The following EFCAB11 variants were observed in gnomAD, a reference collection of about 807,000 sequenced individuals.
EFCAB11 encodes the protein EF-hand calcium binding domain 11.
A neutral mutation model predicts 23.0 loss-of-function variants in EFCAB11; 14 were observed. The observed-to-expected ratio is 0.61, with a 90% CI of 0.40 to 0.95. EFCAB11 has a LOEUF of 0.95. EFCAB11 is among the 40% of genes least tolerant of loss of function. EFCAB11 has a pLI of 0.00. For missense variants in EFCAB11, 198 were observed against 195.8 expected, an observed-to-expected ratio of 1.01 and a Z score of -0.07; for synonymous variants, 65 against 66.6, an observed-to-expected ratio of 0.98 and a Z score of 0.11.
At position 89,954,701 on chromosome 14, in the gene EFCAB11, C is replaced by A. The variant is rs894737658; in HGVS notation, c.-41G>T. The stretch of plus-strand genomic sequence containing the variant: ...CGAGCCCCAGCAACCCAACCAGCTA[C>A]CACCGCTTTCCCAGCCTGGCTGGCA... On this transcript the variant is annotated 5_prime_UTR_variant, in exon 1 of 6. Transcript: ENST00000316738. The A allele has an allele frequency of 1.3e-6, 2 of 1,594,000 alleles. No homozygotes were observed. Among genetic ancestry groups the A allele is most frequent in the African/African-American group, 2.7e-5 (2 of 74,442 alleles).
chr14:89,810,855 G>A (rs1886129938), intron 5 of EFCAB11, among the ~76,000 whole-genome samples: 1 of 151,914 alleles, frequency 6.6e-6, no homozygotes, highest in Non-Finnish European at 1.5e-5. Context: ...AGGTTCTGAA[G>A]ATAAATGGGT....
At chr14:89,891,709 G>GCACACGCA (rs1456377691) in intron 5 of EFCAB11, among the ~76,000 whole-genome samples, 98 of 151,944 alleles carry the variant, frequency 6.4e-4, no homozygotes, top group African/African-American at 2.3e-3. Flanking sequence ...ACACGCACGC[G>GCACACGCA]CACACGCACA....
intron 5 of EFCAB11, among the ~76,000 whole-genome samples, chr14:89,882,999 T>C (rs943867194): frequency 6.6e-6 from 1 of 152,140 alleles, no homozygotes; most frequent in African/African-American, 2.4e-5. Flanking sequence ...CTCCCCACTC[T>C]TTCTTTTGCT....
At chr14:89,873,983 T>G (rs1457774540) in intron 5 of EFCAB11, among the ~76,000 whole-genome samples, 4 of 152,212 alleles carry the variant, frequency 2.6e-5, no homozygotes, top group Non-Finnish European at 5.9e-5. Context: ...GGGGACTCTG[T>G]GTGGAGGCTC....
At chr14:89,897,677 TTAAA>T (rs1301541433) in intron 5 of EFCAB11, among the ~76,000 whole-genome samples, 2 of 152,218 alleles carry the variant, frequency 1.3e-5, no homozygotes, top group African/African-American at 2.4e-5. Flanking sequence ...ACACACTAAC[TTAAA>T]TAAAGCAGTC....
intron 5 of EFCAB11, among the ~76,000 whole-genome samples, chr14:89,836,258 G>A (rs554673723): frequency 6.6e-6 from 1 of 152,274 alleles, no homozygotes; most frequent in Admixed American, 6.5e-5. Flanking sequence ...TAGAGGACTA[G>A]GCTCAGTCTC....
At position 89,934,202 on chromosome 14, in the gene EFCAB11, A is replaced by G. The variant is rs1221900035; in HGVS notation, c.218-1575T>C. Among the ~76,000 whole-genome samples, 3 of 152,224 alleles carry G rather than the reference A, an allele frequency of 2.0e-5. No individual in the cohort carries two copies. The East Asian group carries it at 5.8e-4, about 29-fold the overall frequency. On this transcript the variant is annotated intron_variant, in intron 3 of 5. Coordinates refer to ENST00000316738, the MANE Select transcript of EFCAB11 (RefSeq NM_145231.4). ...CATGATCTTTCTGGCTATTATCCTG[A>G]TAAAAGGACGGAGGTGGGGGAGCAA...
At chr14:89,851,738 G>A (rs1209002368) in intron 5 of EFCAB11, among the ~76,000 whole-genome samples, 1 of 152,164 alleles carries the variant, frequency 6.6e-6, no homozygotes, top group East Asian at 1.9e-4. Context: ...AAATTTAGAC[G>A]TCCTGGAGAT....
At chr14:89,828,887 G>A (rs1886796260) in intron 5 of EFCAB11, among the ~76,000 whole-genome samples, 1 of 152,150 alleles carries the variant, frequency 6.6e-6, no homozygotes, top group Non-Finnish European at 1.5e-5. Flanking sequence ...CAAAGAAGGT[G>A]GCTCAAGCAC....
chr14:89,885,453 T>G (rs1288604694), intron 5 of EFCAB11, among the ~76,000 whole-genome samples: 1 of 151,864 alleles, frequency 6.6e-6, no homozygotes, highest in Non-Finnish European at 1.5e-5. Context: ...CTGAGGCAGG[T>G]GGATTACGAG....
At chr14:89,878,491 A>G (rs545271647) in intron 5 of EFCAB11, among the ~76,000 whole-genome samples, 12 of 152,322 alleles carry the variant, frequency 7.9e-5, no homozygotes, top group African/African-American at 2.9e-4. Context: ...AAACAAGAAA[A>G]TAAAAGATGA....
At chr14:89,942,171 A>G (rs181444675) in intron 3 of EFCAB11, among the ~76,000 whole-genome samples, 2 of 152,324 alleles carry the variant, frequency 1.3e-5, no homozygotes, top group African/African-American at 2.4e-5. Context: ...CTGTGAGTCA[A>G]TTAAACCTCT....
At chr14:89,920,730 A>G (rs1031002196) in intron 5 of EFCAB11, among the ~76,000 whole-genome samples, 3 of 152,172 alleles carry the variant, frequency 2.0e-5, no homozygotes, top group Non-Finnish European at 4.4e-5. Flanking sequence ...TAGGAGTTCT[A>G]CAGAAGAGGA....
At chr14:89,880,613 C>T (rs1163632530) in intron 5 of EFCAB11, among the ~76,000 whole-genome samples, 2 of 151,162 alleles carry the variant, frequency 1.3e-5, no homozygotes, top group South Asian at 2.1e-4. Context: ...ATAATGAAAT[C>T]GAAATAAAAT....
chr14:89,851,616 G>A (rs1376774411), intron 5 of EFCAB11, among the ~76,000 whole-genome samples: 3 of 152,158 alleles, frequency 2.0e-5, no homozygotes, highest in Non-Finnish European at 2.9e-5. Context: ...TTGACAATTT[G>A]GGGCAAAGCA....
intron 1 of EFCAB11, 40 bp from the exon 2 acceptor site, chr14:89,954,041 T>TGG: frequency 6.4e-7 from 1 of 1,554,184 alleles, no homozygotes; most frequent in Non-Finnish European, 8.8e-7. Context: ...GAGACAGAAA[T>TGG]GGTTTATTTT....
At chr14:89,856,323 G>A (rs1428465612) in intron 5 of EFCAB11, among the ~76,000 whole-genome samples, 1 of 151,802 alleles carries the variant, frequency 6.6e-6, no homozygotes, top group Admixed American at 6.6e-5. Context: ...CAAATAACTG[G>A]GACTACAGGC....
intron 5 of EFCAB11, among the ~76,000 whole-genome samples, chr14:89,837,941 T>C (rs543500835): frequency 6.6e-6 from 1 of 152,276 alleles, no homozygotes; most frequent in African/African-American, 2.4e-5. Context: ...GACACCTATA[T>C]ATAACTAGCT....
At chr14:89,913,775 G>A (rs912098918) in intron 5 of EFCAB11, among the ~76,000 whole-genome samples, 2 of 152,038 alleles carry the variant, frequency 1.3e-5, no homozygotes, top group African/African-American at 2.4e-5. Flanking sequence ...GTTTTTCAAA[G>A]TTAAAATTTT....
Sources: allele counts gnomAD v4.1 joint callset (sites outside exome capture counted in the v4.1 genomes callset), GRCh38; gene constraint gnomAD v4.1.1; transcripts MANE v1.5; gene names NCBI Gene and HGNC (gene_info 2026-07-23, HGNC 2026-07-21).